The following SCAPER variants were observed in gnomAD, a reference collection of about 807,000 sequenced individuals.
The protein encoded by SCAPER is S phase cyclin A-associated protein in the endoplasmic reticulum.
A neutral mutation model predicts 182.2 loss-of-function variants in SCAPER; 98 were observed. That is an observed-to-expected ratio of 0.54 (90% CI 0.46 to 0.64). The LOEUF is 0.64. Ranked by LOEUF, SCAPER falls within the 30% of genes least tolerant of loss-of-function variation. The pLI is 0.00. For missense variants in SCAPER, 1,432 were observed against 1,690.0 expected (o/e 0.85, Z 2.68); for synonymous variants, 605 against 564.6 (o/e 1.07, Z -1.01).
intron 23 of SCAPER, among the ~76,000 whole-genome samples, chr15:76,544,893 T>C: frequency 6.6e-6 from 1 of 152,200 alleles, no homozygotes. Context: ...TATACACTGA[T>C]GGTTGTTACC....
intron 24 of SCAPER, among the ~76,000 whole-genome samples, chr15:76,473,404 A>G (rs1295485825): frequency 6.6e-6 from 1 of 152,202 alleles, no homozygotes; most frequent in Non-Finnish European, 1.5e-5. Context: ...GTTTAAAGAA[A>G]CTTTTAGAGC....
At chr15:76,404,484 C>A (rs771227102) in intron 27 of SCAPER, 40 bp downstream of exon 27, 3 of 1,544,982 alleles carry the variant, frequency 1.9e-6, no homozygotes, top group South Asian at 1.2e-5. Context: ...AGAGATGTTC[C>A]AAAAGTTGAG....
chr15:76,788,279 C>T (rs1598739557), intron 8 of SCAPER, among the ~76,000 whole-genome samples: 1 of 152,130 alleles, frequency 6.6e-6, no homozygotes, highest in Admixed American at 6.5e-5. Flanking sequence ...GATAGTTGTA[C>T]ATTATGTGTG....
chr15:76,823,386 G>A (rs1451994103), intron 5 of SCAPER, among the ~76,000 whole-genome samples: 1 of 152,046 alleles, frequency 6.6e-6, no homozygotes, highest in Non-Finnish European at 1.5e-5. Context: ...CTTGAACTTG[G>A]GAGGCGGAGG....
At chr15:76,862,304 T>A in intron 3 of SCAPER, 112 bp downstream of exon 3, 1 of 571,802 alleles carries the variant, frequency 1.7e-6, no homozygotes, top group Non-Finnish European at 3.0e-6. Flanking sequence ...TTATTTAACA[T>A]ACTAATCAGC....
At chr15:76,459,310 AG>A (rs1463957350) in intron 25 of SCAPER, among the ~76,000 whole-genome samples, 1 of 152,202 alleles carries the variant, frequency 6.6e-6, no homozygotes, top group Non-Finnish European at 1.5e-5. Flanking sequence ...TGCAAATGAC[AG>A]GATGTCATTC....
At position 76,574,123 on chromosome 15, in the gene SCAPER, G is replaced by T. The variant is rs749263585; in HGVS notation, c.2838+35C>A. ...TGTCATAGTGAGAAAGGATCACAAA[G>T]ATTAAGGTTCAAAAGCCAGATATTA... is the stretch of plus-strand genomic sequence containing the variant. On this transcript the variant is annotated intron_variant, in intron 23 of 31. Transcript: ENST00000563290. 4 of 1,571,968 alleles carry T rather than the reference G, an allele frequency of 2.5e-6. No homozygotes were observed. The East Asian group carries it at 9.1e-5, about 36-fold the overall frequency.
At chr15:76,703,866 A>G (rs1174774653) in intron 18 of SCAPER, among the ~76,000 whole-genome samples, 1 of 152,190 alleles carries the variant, frequency 6.6e-6, no homozygotes, top group Non-Finnish European at 1.5e-5. Context: ...TACCTGCTAC[A>G]ATAAATTTAA....
intron 1 of SCAPER, among the ~76,000 whole-genome samples, chr15:76,904,354 T>G (rs948503007): frequency 1.3e-5 from 2 of 152,230 alleles, no homozygotes; most frequent in Non-Finnish European, 2.9e-5. Context: ...ATCCATAAAC[T>G]AAGACAAACT....
chr15:76,390,367 G>A (rs368648644), intron 27 of SCAPER, among the ~76,000 whole-genome samples: 1 of 152,206 alleles, frequency 6.6e-6, no homozygotes, highest in Non-Finnish European at 1.5e-5. Flanking sequence ...GCTGAAGAAA[G>A]AGCAAGACCA....
chr15:76,870,621 T>A lies in SCAPER; in HGVS notation c.7-8088A>T, dbSNP rs191851164. On this transcript the variant is annotated intron_variant, in intron 2 of 31. Transcript: ENST00000563290. ...AACTGAAGAATCAAAAAACTGAAAT[T>A]AAGAACTCAATGAATGGGTTTAACA... Among the ~76,000 whole-genome samples the A allele has an allele frequency of 2.3e-3, 346 of 151,852 alleles. 1 individual carries two copies. Among genetic ancestry groups the A allele is most frequent in the African/African-American group, 8.0e-3 (332 of 41,452 alleles).
intron 22 of SCAPER, among the ~76,000 whole-genome samples, chr15:76,611,256 A>G (rs1370609380): frequency 6.6e-6 from 1 of 152,186 alleles, no homozygotes; most frequent in African/African-American, 2.4e-5. Flanking sequence ...ATATAGAAAA[A>G]AACTCAAAAC....
chr15:76,729,716 T>C (rs1455913963), intron 16 of SCAPER, among the ~76,000 whole-genome samples: 1 of 152,132 alleles, frequency 6.6e-6, no homozygotes, highest in Non-Finnish European at 1.5e-5. Context: ...TAGGATATTA[T>C]AAAGCACAGA....
intron 6 of SCAPER, 24 bp downstream of exon 6, chr15:76,804,509 G>C: frequency 6.7e-7 from 1 of 1,485,768 alleles, no homozygotes; most frequent in Non-Finnish European, 9.3e-7. Context: ...ATGATAGGAA[G>C]ATTGAGACCA....
chr15:76,881,805 C>G (rs762837202), intron 2 of SCAPER, among the ~76,000 whole-genome samples: 2 of 152,092 alleles, frequency 1.3e-5, no homozygotes, highest in Non-Finnish European at 1.5e-5. Flanking sequence ...ATAGTGATAG[C>G]TGCACAACAA....
intron 24 of SCAPER, among the ~76,000 whole-genome samples, chr15:76,475,773 A>G (rs1056313400): frequency 6.6e-6 from 1 of 152,236 alleles, no homozygotes; most frequent in Non-Finnish European, 1.5e-5. Flanking sequence ...GACCCTTGAA[A>G]GCGTCCTTAG....
intron 7 of SCAPER, among the ~76,000 whole-genome samples, chr15:76,796,162 C>G (rs1031486254): frequency 6.6e-6 from 1 of 152,100 alleles, no homozygotes; most frequent in African/African-American, 2.4e-5. Context: ...CTTACATGAA[C>G]CAAAAGCATG....
intron 23 of SCAPER, among the ~76,000 whole-genome samples, chr15:76,550,546 A>G (rs555153104): frequency 4.1e-4 from 62 of 152,304 alleles, no homozygotes; most frequent in African/African-American, 1.4e-3. Flanking sequence ...ATGGCTGCAT[A>G]GTATTCCATG....
intron 16 of SCAPER, among the ~76,000 whole-genome samples, chr15:76,731,567 C>T (rs948586393): frequency 3.9e-5 from 6 of 152,138 alleles, no homozygotes; most frequent in African/African-American, 1.4e-4. Context: ...TAGGATCTTA[C>T]CATTATTGTA....
Sources: gnomAD v4.1 joint callset for allele counts (sites outside exome capture counted in the v4.1 genomes callset) on GRCh38, gnomAD v4.1.1 for gene constraint, MANE v1.5 for transcripts, NCBI Gene and HGNC (gene_info 2026-07-23, HGNC 2026-07-21) for gene names.